Variants in ABHD17C observed in about 807,000 individuals in gnomAD.
ABHD17C encodes the protein abhydrolase domain containing 17C, depalmitoylase.
In ABHD17C, 11 loss-of-function variants were observed where a neutral mutation model predicts 27.9. That is an observed-to-expected ratio of 0.39 (90% confidence interval 0.25 to 0.65). ABHD17C has a LOEUF of 0.65. ABHD17C is among the 30% of genes least tolerant of loss of function. The pLI is 0.45. For missense variants in ABHD17C, 280 were observed against 470.2 expected, an observed-to-expected ratio of 0.60 and a Z score of 3.74; for synonymous variants, 233 against 209.1, an observed-to-expected ratio of 1.11 and a Z score of -0.98.
rs533735968 is a variant in ABHD17C at position 80,744,634 on chromosome 15, G to A, written c.591-4879G>A. 4.3e-4 allele frequency among the ~76,000 whole-genome samples: 66 copies of A among 152,304 alleles called. No individual in the cohort carries two copies. The South Asian group carries it at 0.012, about 28-fold the overall frequency. ...GAAAAACGCTGGCAGTTCGCAGCAT[G>A]CCTACTGACTCTACACAAAAAGGAC... On this transcript the variant is annotated intron_variant, in intron 1 of 2. Transcript: ENST00000258884.
At chr15:80,750,004 C>G (rs1895344397) in intron 2 of ABHD17C, among the ~76,000 whole-genome samples, 1 of 152,238 alleles carries the variant, frequency 6.6e-6, no homozygotes, top group South Asian at 2.1e-4. Flanking sequence ...AAGGAACTTA[C>G]AGTTCAGCAC....
rs866907613 is a variant in ABHD17C, at chr15:80,726,510, T to G, written c.591-23003T>G. 4.5e-3 allele frequency among the ~76,000 whole-genome samples: 623 copies of G among 137,106 alleles called. 22 individuals are homozygous for G. The highest frequency in any genetic ancestry group is 0.016 in the African/African-American group (566 of 34,810). 89.9% of individuals were successfully genotyped at this position (137,106 alleles called of 152,430 possible). Reference sequence around the variant, plus strand: ...ATTGCTTCTTTTTCTGGTTTTTTTTTTTTTTTTTTTTTTTTTTTTGAGACG... The same window carrying G: ...ATTGCTTCTTTTTCTGGTTTTTTTTGTTTTTTTTTTTTTTTTTTTGAGACG... On this transcript the variant is annotated intron_variant, in intron 1 of 2. Coordinates refer to ENST00000258884, the MANE Select transcript of ABHD17C (RefSeq NM_021214.2).
At chr15:80,702,505 C>T (rs1455717492) in intron 1 of ABHD17C, among the ~76,000 whole-genome samples, 1 of 152,146 alleles carries the variant, frequency 6.6e-6, no homozygotes, top group Non-Finnish European at 1.5e-5. Flanking sequence ...TTTTCCCCTG[C>T]AGAAGTCACT....
rs71455352 is a variant in ABHD17C, at chr15:80,731,658, CT to C, written c.591-17843del. Among the ~76,000 whole-genome samples, 238 of 146,740 alleles carry C rather than the reference CT, an allele frequency of 1.6e-3. 1 individual carries two copies. The highest frequency in any genetic ancestry group is 2.6e-3 in the African/African-American group (104 of 39,804). On this transcript the variant is annotated intron_variant, in intron 1 of 2. Transcript: ENST00000258884. ...TTAGTGACACGTATATTTTTATAAT[CT>C]TTTTTTTTTTTGCAAATTGTTAATG...
chr15:80,726,220 G>A (rs915792609), intron 1 of ABHD17C, among the ~76,000 whole-genome samples: 4 of 152,158 alleles, frequency 2.6e-5, no homozygotes, highest in Non-Finnish European at 5.9e-5. Flanking sequence ...CACCCTGGGC[G>A]GGCCAGGTGT....
chr15:80,702,419 A>G lies in ABHD17C; in HGVS notation c.590+6400A>G, dbSNP rs957326548. Reference sequence around the variant, plus strand: ...TGAGACCAGCCCGGGCAACATAACAAGAACCTGTCTCCAAAAACCAAAATC... The same window carrying G: ...TGAGACCAGCCCGGGCAACATAACAGGAACCTGTCTCCAAAAACCAAAATC... On this transcript the variant is annotated intron_variant, in intron 1 of 2. Coordinates refer to ENST00000258884, the MANE Select transcript of ABHD17C (RefSeq NM_021214.2). Among the ~76,000 whole-genome samples, 93 of 152,214 alleles carry G rather than the reference A, an allele frequency of 6.1e-4. 1 individual carries two copies. The highest frequency in any genetic ancestry group is 7.5e-4 in the Non-Finnish European group (51 of 68,048).
chr15:80,740,979 A>G (rs1895201290), intron 1 of ABHD17C, among the ~76,000 whole-genome samples: 1 of 152,212 alleles, frequency 6.6e-6, no homozygotes, highest in African/African-American at 2.4e-5. Context: ...TGTTTAGTGG[A>G]CATGGAAACA....
chr15:80,714,774 A>G (rs1432574864), intron 1 of ABHD17C, among the ~76,000 whole-genome samples: 1 of 152,214 alleles, frequency 6.6e-6, no homozygotes, highest in African/African-American at 2.4e-5. Flanking sequence ...AAAAGAATGC[A>G]TGATTAAAAG....
intron 1 of ABHD17C, among the ~76,000 whole-genome samples, chr15:80,729,518 A>G (rs1420196833): frequency 6.6e-6 from 1 of 152,240 alleles, no homozygotes; most frequent in Non-Finnish European, 1.5e-5. Flanking sequence ...TTAATACTGT[A>G]TAGAAGATTA....
chr15:80,707,180 G>T (rs1894659147), intron 1 of ABHD17C, among the ~76,000 whole-genome samples: 1 of 152,234 alleles, frequency 6.6e-6, no homozygotes, highest in African/African-American at 2.4e-5. Flanking sequence ...TCCCAATGGG[G>T]TGCATATTCT....
chr15:80,752,109 A>G (rs1895373222), intron 2 of ABHD17C, among the ~76,000 whole-genome samples: 1 of 152,206 alleles, frequency 6.6e-6, no homozygotes, highest in African/African-American at 2.4e-5. Flanking sequence ...TACACCCTCC[A>G]GGCAGTAGAG....
intron 1 of ABHD17C, among the ~76,000 whole-genome samples, chr15:80,748,617 T>A (rs1456711117): frequency 6.6e-6 from 1 of 151,572 alleles, no homozygotes; most frequent in Non-Finnish European, 1.5e-5. Flanking sequence ...TCTTTAGATA[T>A]TCTGGACATC....
intron 1 of ABHD17C, among the ~76,000 whole-genome samples, chr15:80,728,607 G>A (rs1256444198): frequency 1.3e-5 from 2 of 152,224 alleles, no homozygotes; most frequent in African/African-American, 4.8e-5. Flanking sequence ...ATAGTGATTT[G>A]TGGGCTCAGA....
At chr15:80,718,573 A>C (rs1894841998) in intron 1 of ABHD17C, among the ~76,000 whole-genome samples, 1 of 152,130 alleles carries the variant, frequency 6.6e-6, no homozygotes, top group Admixed American at 6.6e-5. Context: ...ATCTCAAGTG[A>C]TCATCCCACC....
intron 1 of ABHD17C, among the ~76,000 whole-genome samples, chr15:80,734,380 G>A (rs1219845587): frequency 6.6e-6 from 1 of 152,198 alleles, no homozygotes; most frequent in East Asian, 1.9e-4. Flanking sequence ...TGCAGTTGTA[G>A]AGAGAAGGCA....
chr15:80,716,717 C>G (rs1894808029), intron 1 of ABHD17C, among the ~76,000 whole-genome samples: 1 of 152,130 alleles, frequency 6.6e-6, no homozygotes, highest in African/African-American at 2.4e-5. Context: ...CCCTACAGAA[C>G]CTAACGTGAA....
intron 1 of ABHD17C, among the ~76,000 whole-genome samples, chr15:80,697,595 GC>G (rs1894511762): frequency 6.6e-6 from 1 of 151,938 alleles, no homozygotes; most frequent in Non-Finnish European, 1.5e-5. Context: ...CTGTGTTACA[GC>G]TTACGTGGAG....
intron 1 of ABHD17C, among the ~76,000 whole-genome samples, chr15:80,748,991 C>T (rs76097222): frequency 0.09 from 13,736 of 151,984 alleles, 878 homozygotes; most frequent in Middle Eastern, 0.19. Flanking sequence ...AGGGTTTAAC[C>T]CTGAGGGAGA....
chr15:80,701,284 C>T (rs1894567943), intron 1 of ABHD17C, among the ~76,000 whole-genome samples: 1 of 152,094 alleles, frequency 6.6e-6, no homozygotes, highest in South Asian at 2.1e-4. Context: ...AGTTAATAAC[C>T]TAACTTCTTT....
Sources: gnomAD v4.1 joint callset for allele counts (sites outside exome capture counted in the v4.1 genomes callset) on GRCh38, gnomAD v4.1.1 for gene constraint, MANE v1.5 for transcripts, NCBI Gene and HGNC (gene_info 2026-07-23, HGNC 2026-07-21) for gene names.